ZNF124: variants seen among roughly 807,000 people sequenced by gnomAD.
ZNF124 encodes zinc finger protein 124.
In ZNF124, 25 loss-of-function variants were observed where a neutral mutation model predicts 26.6. The observed-to-expected ratio is 0.94, with a 90% confidence interval of 0.68 to 1.31. The LOEUF (loss-of-function observed/expected upper bound fraction) is 1.31, where lower values mean the gene tolerates loss of function less well. ZNF124 is among the 40% of genes most tolerant of loss of function. ZNF124 has a pLI of 0.00. For synonymous variants in ZNF124, 129 were observed against 133.3 expected (o/e 0.97, Z 0.22); for missense variants, 444 against 422.2 (o/e 1.05, Z -0.45).
chr1:247,165,126 CCTG>C (rs1673704832), intron 1 of ZNF124, among the ~76,000 whole-genome samples: 1 of 152,146 alleles, frequency 6.6e-6, no homozygotes, highest in South Asian at 2.1e-4. Flanking sequence ...GCCACCCCGC[CCTG>C]CTAATTTTTT....
chr1:247,126,306 C>A (rs1030820089), intron 3 of ZNF124, among the ~76,000 whole-genome samples: 7 of 110,270 alleles, frequency 6.3e-5, no homozygotes, highest in African/African-American at 1.9e-4. Context: ...GGAGCTGTCA[C>A]CTGTCACTAA....
chr1:247,170,503 ATAAT>A (rs1244686615), intron 1 of ZNF124, among the ~76,000 whole-genome samples: 2 of 147,480 alleles, frequency 1.4e-5, no homozygotes, highest in African/African-American at 2.6e-5. Context: ...CCTTGTGGAA[ATAAT>A]TAAATAGGAA....
intron 3 of ZNF124, among the ~76,000 whole-genome samples, chr1:247,134,153 C>T (rs1334383786): frequency 6.6e-6 from 1 of 152,062 alleles, no homozygotes; most frequent in East Asian, 1.9e-4. Context: ...CAAAAACACA[C>T]CAAAATATAA....
intron 3 of ZNF124, among the ~76,000 whole-genome samples, chr1:247,139,622 T>C (rs2103105068): frequency 6.6e-6 from 1 of 152,350 alleles, no homozygotes; most frequent in East Asian, 1.9e-4. Context: ...GTTTTTGTAT[T>C]GGCTGGTAGC....
At chr1:247,161,088 C>T (rs376529673) in intron 1 of ZNF124, among the ~76,000 whole-genome samples, 42 of 152,340 alleles carry the variant, frequency 2.8e-4, no homozygotes, top group African/African-American at 1.0e-3. Flanking sequence ...GCAGAAACTA[C>T]TTTTCAAAAC....
At chr1:247,160,228 C>T (rs991425455) in intron 1 of ZNF124, among the ~76,000 whole-genome samples, 6 of 152,178 alleles carry the variant, frequency 3.9e-5, no homozygotes, top group Non-Finnish European at 8.8e-5. Flanking sequence ...TCGTGATCTG[C>T]CTGTCTTGGC....
At chr1:247,159,400 C>T (rs1010597292) in intron 2 of ZNF124, among the ~76,000 whole-genome samples, 5 of 152,192 alleles carry the variant, frequency 3.3e-5, no homozygotes, top group African/African-American at 1.2e-4. Flanking sequence ...CTGCTTCATG[C>T]CCTGAGCTGA....
At chr1:247,129,989 C>T (rs1411488234) in intron 3 of ZNF124, among the ~76,000 whole-genome samples, 1 of 140,794 alleles carries the variant, frequency 7.1e-6, no homozygotes, top group Non-Finnish European at 1.5e-5. Flanking sequence ...TTGAGTACTT[C>T]CCCGAGCAGG....
chr1:247,162,692 GAC>G (rs1673553655), intron 1 of ZNF124, among the ~76,000 whole-genome samples: 2 of 141,296 alleles, frequency 1.4e-5, no homozygotes, highest in African/African-American at 5.2e-5. Flanking sequence ...AACAAAAAAA[GAC>G]ACGGGTATTA....
At chr1:247,147,516 C>T (rs1378619632) in intron 3 of ZNF124, among the ~76,000 whole-genome samples, 2 of 152,156 alleles carry the variant, frequency 1.3e-5, no homozygotes, top group East Asian at 3.9e-4. Flanking sequence ...TGAGCCACTG[C>T]GCCTGGCTGC....
intron 3 of ZNF124, among the ~76,000 whole-genome samples, chr1:247,146,666 T>C (rs60052738): frequency 0.026 from 3,950 of 152,336 alleles, 185 homozygotes; most frequent in African/African-American, 0.09. Flanking sequence ...TTAGCTTCAC[T>C]AAACCTTATT....
intron 3 of ZNF124, among the ~76,000 whole-genome samples, chr1:247,130,223 A>C (rs1034059897): frequency 2.6e-5 from 4 of 152,240 alleles, no homozygotes; most frequent in African/African-American, 9.6e-5. Context: ...AATATTAGAT[A>C]TCTAGTCATA....
intron 3 of ZNF124, among the ~76,000 whole-genome samples, chr1:247,148,946 G>A (rs1199965299): frequency 1.3e-5 from 2 of 151,678 alleles, no homozygotes; most frequent in Non-Finnish European, 2.9e-5. Flanking sequence ...CTCCAGCCTG[G>A]GTGACAGAGT....
At chr1:247,163,424 A>G (rs1673603936) in intron 1 of ZNF124, among the ~76,000 whole-genome samples, 1 of 151,542 alleles carries the variant, frequency 6.6e-6, no homozygotes. Context: ...CCATATAAAC[A>G]CAATCAGAAG....
rs904911828 is a variant in ZNF124, at chr1:247,168,868, G to C, written c.30+2980C>G. On this transcript the variant is annotated intron_variant, in intron 1 of 3. Coordinates refer to ENST00000543802, the MANE Select transcript of ZNF124 (RefSeq NM_001297568.2). This position sits in a 1 kb window ranked among gnomAD's most constrained non-coding sequence, Gnocchi z 4.0. The stretch of plus-strand genomic sequence containing the variant: ...GGTGATTTGGGGGCAAGGGTGGGAG[G>C]GGGTGAGACTGCATATTGGGTACAG... Among the ~76,000 whole-genome samples, 1 of 152,038 alleles carries C rather than the reference G, an allele frequency of 6.6e-6. No individual in the cohort carries two copies. Among genetic ancestry groups the C allele is most frequent in the Non-Finnish European group, 1.5e-5 (1 of 68,012 alleles).
chr1:247,153,876 G>C (rs567638324), downstream of ZNF124, among the ~76,000 whole-genome samples: 1 of 152,284 alleles, frequency 6.6e-6, no homozygotes, highest in South Asian at 2.1e-4. Context: ...ACTGGGAGGG[G>C]TACTGGGAGA....
At chr1:247,149,839 C>T (rs140296974) in intron 3 of ZNF124, 1 of 152,358 alleles carries the variant, frequency 6.6e-6, no homozygotes, top group East Asian at 1.9e-4. Context: ...TTATACATGA[C>T]ATAAACTCAA....
chr1:247,140,643 T>C (rs1672603348), intron 3 of ZNF124, among the ~76,000 whole-genome samples: 1 of 152,112 alleles, frequency 6.6e-6, no homozygotes, highest in Non-Finnish European at 1.5e-5. Context: ...CAGTACACTT[T>C]TTTTTCTGGA....
downstream of ZNF124, among the ~76,000 whole-genome samples, chr1:247,153,379 G>C (rs1673002263): frequency 6.6e-6 from 1 of 152,034 alleles, no homozygotes; most frequent in Non-Finnish European, 1.5e-5. Flanking sequence ...ACATCGAGAG[G>C]GTAAGTCATT....
Sources: allele counts gnomAD v4.1 joint callset (sites outside exome capture counted in the v4.1 genomes callset), GRCh38; gene constraint gnomAD v4.1.1; non-coding constraint Gnocchi (gnomAD v3.1); transcripts MANE v1.5; gene names NCBI Gene and HGNC (gene_info 2026-07-23, HGNC 2026-07-21).